The following ANLN variants were observed in gnomAD, a reference collection of about 807,000 sequenced individuals.
The protein encoded by ANLN is anillin, actin binding protein, also known as anillin.
ANLN carries 59 observed loss-of-function variants against 135.1 expected under a neutral mutation model. The observed-to-expected ratio is 0.44, with a 90% CI of 0.35 to 0.54. The LOEUF is 0.54. ANLN is among the 20% of genes least tolerant of loss of function. ANLN has a pLI of 0.00. For synonymous variants in ANLN, 406 were observed against 456.4 expected, an observed-to-expected ratio of 0.89 and a Z score of 1.41; for missense variants, 1,182 against 1,340.0, an observed-to-expected ratio of 0.88 and a Z score of 1.84.
At chr7:36,407,506 A>G (rs1030741975) in intron 4 of ANLN, among the ~76,000 whole-genome samples, 6 of 152,194 alleles carry the variant, frequency 3.9e-5, no homozygotes, top group African/African-American at 1.4e-4. Flanking sequence ...ACCCATGAGT[A>G]TATTATGCAG....
chr7:36,442,615 A>T (rs931042206), intron 21 of ANLN, among the ~76,000 whole-genome samples: 5 of 151,514 alleles, frequency 3.3e-5, no homozygotes, highest in Admixed American at 6.6e-5. Context: ...TGTTTTTTTT[A>T]ATTTTTATTT....
At chr7:36,440,143 T>G (rs2116779210) in intron 21 of ANLN, among the ~76,000 whole-genome samples, 1 of 152,204 alleles carries the variant, frequency 6.6e-6, no homozygotes, top group East Asian at 1.9e-4. Context: ...AAGACAGACA[T>G]TTAGTAGAGG....
chr7:36,390,574 G>GC (rs750265108), intron 1 of ANLN: 1 of 155,116 alleles, frequency 6.4e-6, no homozygotes, highest in Non-Finnish European at 1.4e-5. Context: ...TTCATAAAAA[G>GC]CCAGTAGTTC....
At chr7:36,428,245 A>C (rs887783478) in intron 20 of ANLN, 1 of 870,520 alleles carries the variant, frequency 1.1e-6, no homozygotes, top group African/African-American at 1.8e-5. Context: ...TAATTCAGCT[A>C]CTTTAACCAG....
rs1339849434 is a variant in ANLN, at chr7:36,426,939, A to C, written c.2794A>C (p.Ser932Arg). The change falls in exon 20 of 24, where the codon AGT (serine) becomes CGT (arginine). Residue 932 changes from serine to arginine, a missense_variant. This residue lies in a region of ANLN where 1,022 missense variants were observed against 1,134.0 expected (regional missense o/e 0.90). Coordinates refer to ENST00000265748, the MANE Select transcript of ANLN (RefSeq NM_018685.5). ...AGTCATGGCCAGTCCAGGAGGTCTT[A>C]GTGCTGTGCGAACCAGCAACTTCGC... Reference protein sequence around the residue: ...SSVMASPGGLSAVRTSNFALV... With the variant: ...SSVMASPGGLRAVRTSNFALV... 12 of 1,610,722 alleles carry C rather than the reference A, an allele frequency of 7.5e-6. No homozygotes were observed. The highest frequency in any genetic ancestry group is 1.0e-5 in the Non-Finnish European group (12 of 1,178,776).
At chr7:36,418,257 C>G (rs1583621514) in intron 9 of ANLN, among the ~76,000 whole-genome samples, 1 of 152,156 alleles carries the variant, frequency 6.6e-6, no homozygotes, top group African/African-American at 2.4e-5. Flanking sequence ...TTCCCTCCCC[C>G]AGGGTATGAG....
intron 20 of ANLN, among the ~76,000 whole-genome samples, chr7:36,435,959 TTGAAA>T (rs1788532700): frequency 6.6e-6 from 1 of 151,322 alleles, no homozygotes; most frequent in Non-Finnish European, 1.5e-5. Flanking sequence ...AAATAATGTA[TTGAAA>T]TGAAATTCAT....
chr7:36,399,636 C>T (rs563812424), intron 3 of ANLN, among the ~76,000 whole-genome samples: 2 of 152,222 alleles, frequency 1.3e-5, no homozygotes, highest in African/African-American at 4.8e-5. Flanking sequence ...AACTGTATTA[C>T]CTTAATATCT....
chr7:36,442,542 C>T (rs1403298895), intron 21 of ANLN, among the ~76,000 whole-genome samples: 1 of 152,196 alleles, frequency 6.6e-6, no homozygotes, highest in Non-Finnish European at 1.5e-5. Flanking sequence ...TTTCCCTGAT[C>T]TACAGCATTG....
chr7:36,420,874 G>A, intron 12 of ANLN, 130 bp downstream of exon 12: 1 of 812,718 alleles, frequency 1.2e-6, no homozygotes, highest in Non-Finnish European at 1.9e-6. Flanking sequence ...ATGCATAGAA[G>A]CTCAGTAAAT....
chr7:36,394,385 G>GT (rs1452630800), intron 1 of ANLN, among the ~76,000 whole-genome samples: 2 of 152,086 alleles, frequency 1.3e-5, no homozygotes, highest in Admixed American at 6.6e-5. Flanking sequence ...GAGGGGATCT[G>GT]TTCAGTTGGT....
At chr7:36,432,375 T>C (rs754449641) in intron 20 of ANLN, among the ~76,000 whole-genome samples, 2 of 152,234 alleles carry the variant, frequency 1.3e-5, no homozygotes, top group African/African-American at 4.8e-5. Flanking sequence ...AAAGCCTCTT[T>C]CTAAAATTAT....
At chr7:36,405,696 G>A (rs1787158054) in intron 3 of ANLN, among the ~76,000 whole-genome samples, 1 of 152,188 alleles carries the variant, frequency 6.6e-6, no homozygotes, top group Admixed American at 6.5e-5. Context: ...ATATGTGGAT[G>A]TTTAAGTTAA....
intron 20 of ANLN, among the ~76,000 whole-genome samples, chr7:36,433,195 T>G (rs1273303279): frequency 6.6e-6 from 1 of 152,198 alleles, no homozygotes; most frequent in African/African-American, 2.4e-5. Context: ...TTCTTCCTTC[T>G]TGTAGATTGA....
chr7:36,413,013 C>T (rs911091997), intron 7 of ANLN, among the ~76,000 whole-genome samples: 3 of 152,092 alleles, frequency 2.0e-5, no homozygotes, highest in African/African-American at 7.2e-5. Flanking sequence ...GAATATTTAT[C>T]TTCCTGTGAA....
At chr7:36,402,443 C>T (rs1322993663) in intron 3 of ANLN, among the ~76,000 whole-genome samples, 1 of 152,164 alleles carries the variant, frequency 6.6e-6, no homozygotes, top group Non-Finnish European at 1.5e-5. Flanking sequence ...AGCCTTCTAA[C>T]TGGTCTTCCT....
chr7:36,415,727 A>G (rs1287978947), intron 7 of ANLN, 31 bp from the exon 8 acceptor site: 1 of 1,554,602 alleles, frequency 6.4e-7, no homozygotes, highest in East Asian at 2.3e-5. Context: ...GTTTTGAGAA[A>G]TAAAATTTAC....
intron 7 of ANLN, 112 bp from the exon 8 acceptor site, chr7:36,415,646 G>C: frequency 8.2e-7 from 1 of 1,223,964 alleles, no homozygotes; most frequent in Non-Finnish European, 1.1e-6. Flanking sequence ...TTGGTTCTAA[G>C]GAAACTTATA....
At position 36,452,533 on chromosome 7, in the gene ANLN, A is replaced by G. The variant is rs758361326; in HGVS notation, c.3308A>G (p.Asn1103Ser). 21 of 1,614,046 alleles carry G rather than the reference A, an allele frequency of 1.3e-5. No homozygotes were observed. In the East Asian group the frequency reaches 4.5e-4, roughly 34 times the overall value. Residue 1103 changes from asparagine (N) to serine (S), a missense_variant, in exon 24 of 24, where the codon AAT becomes AGT. By Grantham distance (46) the Asn-to-Ser change is conservative. Coordinates refer to ENST00000265748, the MANE Select transcript of ANLN (RefSeq NM_018685.5). The part of the protein sequence containing the change: ...EERDLWMQKL[N>S]QVLVDIRLWQ... ...CGGGATCTCTGGATGCAAAAACTCAATCAAGTTCTTGTTGATATTCGCCTC... is the reference window on the plus strand; with the variant it reads ...CGGGATCTCTGGATGCAAAAACTCAGTCAAGTTCTTGTTGATATTCGCCTC...
Sources: gnomAD v4.1 joint callset for allele counts (sites outside exome capture counted in the v4.1 genomes callset) on GRCh38, gnomAD v4.1.1 for gene constraint, gnomAD v4.1.1 regional missense constraint, MANE v1.5 for transcripts, NCBI Gene and HGNC (gene_info 2026-07-23, HGNC 2026-07-21) for gene names.